Variants in SEMA3C observed in about 807,000 individuals in gnomAD.
The protein encoded by SEMA3C is semaphorin 3C.
Under a neutral mutation model 89.4 loss-of-function variants are expected in SEMA3C, and 47 were observed. That is an observed-to-expected ratio of 0.53 (90% CI 0.42 to 0.67). The LOEUF is 0.67. Ranked by LOEUF, SEMA3C falls within the 30% of genes least tolerant of loss-of-function variation. The pLI, the probability that SEMA3C is intolerant of heterozygous loss-of-function variation, is 0.00. For missense variants in SEMA3C, 839 were observed against 929.1 expected, an observed-to-expected ratio of 0.90 and a Z score of 1.26; for synonymous variants, 310 against 320.2, an observed-to-expected ratio of 0.97 and a Z score of 0.34.
intron 12 of SEMA3C, among the ~76,000 whole-genome samples, chr7:80,777,402 CTG>C (rs1788575938): frequency 6.6e-6 from 1 of 152,136 alleles, no homozygotes; most frequent in Non-Finnish European, 1.5e-5. Flanking sequence ...AGCGATTCTC[CTG>C]TGTCAGCCTC....
chr7:80,914,478 G>C (rs1462975469), intron 2 of SEMA3C, among the ~76,000 whole-genome samples: 2 of 152,186 alleles, frequency 1.3e-5, no homozygotes, highest in South Asian at 4.1e-4. Context: ...GTTTTCGCCT[G>C]ATACTTTCCC....
intron 12 of SEMA3C, among the ~76,000 whole-genome samples, chr7:80,772,771 G>T (rs1044963905): frequency 2.6e-5 from 4 of 151,282 alleles, no homozygotes; most frequent in African/African-American, 9.7e-5. Flanking sequence ...GTTGCATTAT[G>T]AGGAAAATAG....
chr7:80,746,279 G>A (rs559815326), intron 17 of SEMA3C, among the ~76,000 whole-genome samples: 1 of 151,954 alleles, frequency 6.6e-6, no homozygotes, highest in East Asian at 1.9e-4. Flanking sequence ...CACAAAAAAA[G>A]CACAAAAAGG....
intron 12 of SEMA3C, among the ~76,000 whole-genome samples, chr7:80,768,272 G>C (rs959792434): frequency 6.6e-6 from 1 of 152,166 alleles, no homozygotes; most frequent in Admixed American, 6.5e-5. Context: ...CCAGCACTTT[G>C]GGAGGCCGAG....
At chr7:80,861,415 T>A (rs1233954970) in intron 2 of SEMA3C, among the ~76,000 whole-genome samples, 5 of 152,150 alleles carry the variant, frequency 3.3e-5, no homozygotes, top group Admixed American at 3.3e-4. Flanking sequence ...TTTTCAATAT[T>A]CTAGACCTTC....
intron 2 of SEMA3C, among the ~76,000 whole-genome samples, chr7:80,887,837 T>C (rs1440067492): frequency 6.6e-6 from 1 of 152,206 alleles, no homozygotes; most frequent in African/African-American, 2.4e-5. Flanking sequence ...TAGTCTAATA[T>C]AGAGGCTTTT....
At chr7:80,806,802 G>A (rs1273397233) in intron 6 of SEMA3C, among the ~76,000 whole-genome samples, 1 of 152,054 alleles carries the variant, frequency 6.6e-6, no homozygotes. Context: ...ATTACTCCCT[G>A]GGCTACCTTC....
intron 6 of SEMA3C, among the ~76,000 whole-genome samples, chr7:80,809,413 G>C (rs970330603): frequency 2.6e-5 from 4 of 152,032 alleles, no homozygotes; most frequent in African/African-American, 9.7e-5. Context: ...TTGACATACT[G>C]GTTTCAATTC....
At chr7:80,809,669 AT>A (rs542600513) in intron 6 of SEMA3C, among the ~76,000 whole-genome samples, 40 of 152,176 alleles carry the variant, frequency 2.6e-4, no homozygotes, top group Non-Finnish European at 1.8e-4. Flanking sequence ...TCATTTCAGC[AT>A]TATTCACAAA....
chr7:80,870,800 C>A (rs1052841555), intron 2 of SEMA3C, among the ~76,000 whole-genome samples: 1 of 152,176 alleles, frequency 6.6e-6, no homozygotes, highest in Non-Finnish European at 1.5e-5. Context: ...GAAAGAGACA[C>A]TTTAAAGAAA....
chr7:80,798,007 C>T, intron 11 of SEMA3C, 85 bp downstream of exon 11: 1 of 1,367,284 alleles, frequency 7.3e-7, no homozygotes, highest in African/African-American at 1.5e-5. Flanking sequence ...CAAAAAAAAA[C>T]CCCAAAAAAC....
chr7:80,790,920 T>C (rs1788923313), intron 11 of SEMA3C, among the ~76,000 whole-genome samples: 2 of 152,180 alleles, frequency 1.3e-5, no homozygotes, highest in African/African-American at 4.8e-5. Flanking sequence ...AGCTGGTTAG[T>C]AGATAATCAC....
chr7:80,842,688 C>T (rs553993969), intron 2 of SEMA3C, among the ~76,000 whole-genome samples: 20 of 152,194 alleles, frequency 1.3e-4, no homozygotes, highest in African/African-American at 2.6e-4. Flanking sequence ...AAAAGCAACA[C>T]ATTTTACTAG....
At chr7:80,812,487 G>A (rs1007661966) in intron 5 of SEMA3C, among the ~76,000 whole-genome samples, 1 of 152,092 alleles carries the variant, frequency 6.6e-6, no homozygotes, top group Non-Finnish European at 1.5e-5. Context: ...AAAAAAAATA[G>A]TAAGCCTTGT....
At chr7:80,830,956 C>A (rs1477966862) in intron 2 of SEMA3C, among the ~76,000 whole-genome samples, 2 of 152,128 alleles carry the variant, frequency 1.3e-5, no homozygotes, top group African/African-American at 4.8e-5. Flanking sequence ...AGAATCAAAG[C>A]AAGTATCACT....
In SEMA3C at chr7:80,858,958, CT is replaced by C. The variant is rs375955823; in HGVS notation, c.104-30214del. 3.0e-3 allele frequency among the ~76,000 whole-genome samples: 462 copies of C among 152,266 alleles called. 2 individuals carry two copies. The highest frequency in any genetic ancestry group is 0.011 in the African/African-American group (447 of 41,564). ...CGGTTAGAGGTGCATCATTTGTCCT[CT>C]TTATTATAACACTCAGACTTTACAA... On this transcript the variant is annotated intron_variant, in intron 2 of 17. Coordinates refer to ENST00000265361, the MANE Select transcript of SEMA3C (RefSeq NM_006379.5).
At chr7:80,824,913 T>C (rs1465271446) in intron 4 of SEMA3C, among the ~76,000 whole-genome samples, 3 of 152,192 alleles carry the variant, frequency 2.0e-5, no homozygotes, top group Admixed American at 6.6e-5. Flanking sequence ...TTTCTGAATA[T>C]CAGTGTATAT....
intron 2 of SEMA3C, among the ~76,000 whole-genome samples, chr7:80,830,865 A>G (rs1219583831): frequency 6.6e-6 from 1 of 152,154 alleles, no homozygotes; most frequent in African/African-American, 2.4e-5. Flanking sequence ...GAAGTCTTTC[A>G]GGAAAAAATC....
intron 5 of SEMA3C, 93 bp from the exon 6 acceptor site, chr7:80,810,794 T>C: frequency 2.1e-6 from 2 of 950,970 alleles, no homozygotes; most frequent in Non-Finnish European, 3.3e-6. Context: ...TTAAAATTAA[T>C]ATGCTTTCTA....
Sources: allele counts gnomAD v4.1 joint callset (sites outside exome capture counted in the v4.1 genomes callset), GRCh38; gene constraint gnomAD v4.1.1; transcripts MANE v1.5; gene names NCBI Gene and HGNC (gene_info 2026-07-23, HGNC 2026-07-21).